Variants in PKHD1 observed in about 807,000 individuals in gnomAD.
PKHD1 encodes the protein PKHD1 ciliary IPT domain containing fibrocystin/polyductin.
A neutral mutation model predicts 412.0 loss-of-function variants in PKHD1; 291 were observed. That is an observed-to-expected ratio of 0.71 (90% confidence interval 0.64 to 0.78). The LOEUF is 0.78. Ranked by LOEUF, PKHD1 falls within the 30% of genes least tolerant of loss-of-function variation. The probability of loss-of-function intolerance (pLI) is 0.00; values close to 1 mark genes in which losing one functional copy is unlikely to be tolerated. For missense variants in PKHD1, 4,825 were observed against 4,950.7 expected, an observed-to-expected ratio of 0.97 and a Z score of 0.76; for synonymous variants, 1,777 against 1,821.5, an observed-to-expected ratio of 0.98 and a Z score of 0.62.
At chr6:51,682,110 A>T (rs1776753004) in intron 60 of PKHD1, 1 of 400,948 alleles carries the variant, frequency 2.5e-6, no homozygotes, top group Admixed American at 2.8e-5. Context: ...CTAGGTTAGG[A>T]TGTCAGTACT....
In PKHD1 at chr6:51,687,116, G is replaced by A. The variant is rs183384062; in HGVS notation, c.10157-27147C>T. On this transcript the variant is annotated intron_variant, in intron 60 of 66. Transcript: ENST00000371117. ...GGGAAAAGAGGAGCAGGGAAGAAAT[G>A]GATAATACTATTTCTAGTACCCTTC... 2.4e-3 allele frequency among the ~76,000 whole-genome samples: 370 copies of A among 152,178 alleles called. 1 individual carries two copies. The highest frequency in any genetic ancestry group is 3.5e-3 in the Non-Finnish European group (236 of 68,002).
intron 36 of PKHD1, among the ~76,000 whole-genome samples, chr6:51,947,338 A>C (rs1051026286): frequency 2.0e-5 from 3 of 152,190 alleles, no homozygotes; most frequent in Non-Finnish European, 4.4e-5. Flanking sequence ...TCAAATTTTC[A>C]TCATGTGCTA....
At position 52,084,919 on chromosome 6, in the gene PKHD1, C is replaced by G; in HGVS notation, c.15G>C (p.Leu5=). 6.2e-7 allele frequency: 1 copy of G among 1,606,270 alleles called. No individual in the cohort carries two copies. The highest frequency in any genetic ancestry group is 2.2e-5 in the East Asian group (1 of 44,798). The change falls in exon 2 of 67, where the codon CTG becomes CTC. Residue 5 remains leucine, a synonymous_variant. Coordinates refer to ENST00000371117, the MANE Select transcript of PKHD1 (RefSeq NM_138694.4). The stretch of plus-strand genomic sequence containing the variant: ...GTACTTCAATACTCATCAGAGAGAT[C>G]AGCCAGGCAGTCATTCTGTCCACTT... The part of the protein sequence containing the change: MTAW[L]ISLMSIEVLL...
At chr6:52,080,155 C>A (rs1811840130) in intron 4 of PKHD1, 147 bp from the exon 5 acceptor site, 11 of 679,252 alleles carry the variant, frequency 1.6e-5, no homozygotes, top group South Asian at 1.4e-4. Context: ...CCTCTTTGAT[C>A]CACTCATAAT....
At chr6:52,033,735 A>G (rs188411142) in intron 28 of PKHD1, among the ~76,000 whole-genome samples, 11 of 152,286 alleles carry the variant, frequency 7.2e-5, no homozygotes, top group African/African-American at 2.6e-4. Flanking sequence ...CTAGAAAATA[A>G]GCAGGCTAGA....
rs376881116 is a variant in PKHD1 at position 52,028,284 on chromosome 6, G to C, written c.3432C>G (p.His1144Gln). 3.7e-6 allele frequency: 6 copies of C among 1,614,026 alleles called. No homozygotes were observed. Among genetic ancestry groups the C allele is most frequent in the Non-Finnish European group, 3.4e-6 (4 of 1,180,030 alleles). ...MNYTDLDVEV[H>Q]VQDALAPVHT... ...GAACCGGAGCCAAGGCATCCTGGAC[G>C]TGGACTTCCACATCCAAATCCGTAT... The change falls in exon 30 of 67, where the codon CAC (histidine) becomes CAG (glutamine). Residue 1144 changes from histidine to glutamine, a missense_variant. By Grantham distance (24) the His-to-Gln change is conservative. Transcript: ENST00000371117.
chr6:51,950,654 G>A (rs9474119), intron 36 of PKHD1, among the ~76,000 whole-genome samples: 5,167 of 152,094 alleles, frequency 0.034, 315 homozygotes, highest in African/African-American at 0.12. Flanking sequence ...GCTGACTGGG[G>A]GCTACACTTT....
chr6:51,889,923 G>C (rs1490770467), intron 43 of PKHD1, among the ~76,000 whole-genome samples: 1 of 152,170 alleles, frequency 6.6e-6, no homozygotes, highest in Non-Finnish European at 1.5e-5. Context: ...CTAGAAATCA[G>C]GGGGAGAATC....
chr6:51,836,745 A>G (rs931097356), intron 50 of PKHD1, among the ~76,000 whole-genome samples: 1 of 152,214 alleles, frequency 6.6e-6, no homozygotes, highest in Non-Finnish European at 1.5e-5. Context: ...CTTTAGCCAT[A>G]TGTTCTAAGG....
At chr6:51,649,436 G>A (rs1033018042) in intron 61 of PKHD1, among the ~76,000 whole-genome samples, 2 of 152,082 alleles carry the variant, frequency 1.3e-5, no homozygotes, top group Non-Finnish European at 2.9e-5. Context: ...GGACTAGGGG[G>A]TAGGGAAAAT....
At chr6:52,046,217 C>T in intron 23 of PKHD1, 29 bp from the exon 24 acceptor site, 1 of 1,509,668 alleles carries the variant, frequency 6.6e-7, no homozygotes, top group Non-Finnish European at 9.2e-7. Context: ...ATACAGAAAA[C>T]ACAGACACTA....
At chr6:51,804,238 A>G (rs947546413) in intron 52 of PKHD1, among the ~76,000 whole-genome samples, 1 of 150,610 alleles carries the variant, frequency 6.6e-6, no homozygotes, top group Non-Finnish European at 1.5e-5. Context: ...CCAACCACCA[A>G]CAGTCCACAC....
intron 10 of PKHD1, among the ~76,000 whole-genome samples, chr6:52,069,970 G>A (rs1161028003): frequency 2.0e-5 from 3 of 151,966 alleles, no homozygotes; most frequent in Non-Finnish European, 4.4e-5. Context: ...ATTATGTAGG[G>A]GCAAAATATA....
intron 35 of PKHD1, among the ~76,000 whole-genome samples, chr6:52,003,067 A>G (rs1798631012): frequency 6.6e-6 from 1 of 152,214 alleles, no homozygotes; most frequent in Admixed American, 6.5e-5. Context: ...TGTAATTTAA[A>G]TGTAAAAGAG....
In PKHD1 at chr6:51,822,012, C is replaced by T. The variant is rs192334520; in HGVS notation, c.8302+8849G>A. ...GACAGTAATTCCTTAAATGACATAA[C>T]CTATTCTATTTTCCAAATCAAGCTG... is the stretch of plus-strand genomic sequence containing the variant. On this transcript the variant is annotated intron_variant, in intron 52 of 66. Transcript: ENST00000371117. 1.1e-4 allele frequency among the ~76,000 whole-genome samples: 16 copies of T among 152,210 alleles called. No individual in the cohort carries two copies. The East Asian group carries it at 1.7e-3, about 17-fold the overall frequency.
At position 51,773,966 on chromosome 6, in the gene PKHD1, T is replaced by C. The variant is rs924392971; in HGVS notation, c.8555-1177A>G. Reference sequence around the variant, plus strand: ...GTGTCCTGAAACCAATCTTTCATAATAGCATTTATATATTTCATAAGACAT... The same window carrying C: ...GTGTCCTGAAACCAATCTTTCATAACAGCATTTATATATTTCATAAGACAT... On this transcript the variant is annotated intron_variant, in intron 54 of 66. Transcript: ENST00000371117. 3.3e-5 allele frequency among the ~76,000 whole-genome samples: 5 copies of C among 151,950 alleles called. No individual in the cohort carries two copies. In the South Asian group the frequency reaches 1.0e-3, roughly 32 times the overall value.
At chr6:51,904,747 T>G (rs1209091907) in intron 41 of PKHD1, among the ~76,000 whole-genome samples, 1 of 152,218 alleles carries the variant, frequency 6.6e-6, no homozygotes, top group African/African-American at 2.4e-5. Context: ...AAATTCTGCC[T>G]ACAGGTTTTC....
At chr6:51,911,767 T>A (rs765759254) in intron 39 of PKHD1, 32 bp downstream of exon 39, 10 of 1,585,060 alleles carry the variant, frequency 6.3e-6, no homozygotes, top group Non-Finnish European at 8.7e-6. Flanking sequence ...TCTTTTTTGC[T>A]CATTAGACTT....
chr6:51,875,004 A>C (rs1009886759), intron 46 of PKHD1, among the ~76,000 whole-genome samples: 2 of 59,572 alleles, frequency 3.4e-5, no homozygotes, highest in African/African-American at 1.5e-4. Context: ...GGGGTGACGG[A>C]CGCACCTGGA....
Sources: gnomAD v4.1 joint callset for allele counts (sites outside exome capture counted in the v4.1 genomes callset) on GRCh38, gnomAD v4.1.1 for gene constraint, MANE v1.5 for transcripts, NCBI Gene and HGNC (gene_info 2026-07-23, HGNC 2026-07-21) for gene names.